IMMP2L: variants seen among roughly 807,000 people sequenced by gnomAD.
IMMP2L encodes the protein inner mitochondrial membrane peptidase subunit 2.
Under a neutral mutation model 19.3 loss-of-function variants are expected in IMMP2L, and 18 were observed. The observed-to-expected ratio is 0.93, with a 90% CI of 0.64 to 1.38. IMMP2L has a LOEUF of 1.38. IMMP2L is among the 40% of genes most tolerant of loss of function. The probability of loss-of-function intolerance (pLI) is 0.00; values close to 1 mark genes in which losing one functional copy is unlikely to be tolerated. For synonymous variants in IMMP2L, 76 were observed against 73.0 expected (o/e 1.04, Z -0.21); for missense variants, 233 against 218.2 (o/e 1.07, Z -0.43).
intron 5 of IMMP2L, among the ~76,000 whole-genome samples, chr7:110,671,370 ATT>A: frequency 6.6e-6 from 1 of 152,160 alleles, no homozygotes. Context: ...AGAAGTTCTA[ATT>A]TTTTTTCTTG....
chr7:110,892,911 T>C (rs938120238), intron 4 of IMMP2L, among the ~76,000 whole-genome samples: 1 of 152,142 alleles, frequency 6.6e-6, no homozygotes, highest in African/African-American at 2.4e-5. Context: ...TGTCTCTCTG[T>C]GAGAAATCTA....
At chr7:111,510,036 G>A (rs1285155706) in intron 2 of IMMP2L, among the ~76,000 whole-genome samples, 1 of 151,938 alleles carries the variant, frequency 6.6e-6, no homozygotes, top group Non-Finnish European at 1.5e-5. Flanking sequence ...CAGTACAAAA[G>A]GATTTATAAT....
intron 3 of IMMP2L, among the ~76,000 whole-genome samples, chr7:111,047,369 G>A (rs1251566158): frequency 6.6e-6 from 1 of 151,844 alleles, no homozygotes; most frequent in Non-Finnish European, 1.5e-5. Context: ...TGTATTTTTA[G>A]TACAGAAGGG....
chr7:111,499,614 A>C (rs1330754132), intron 2 of IMMP2L, among the ~76,000 whole-genome samples: 3 of 152,178 alleles, frequency 2.0e-5, no homozygotes, highest in Non-Finnish European at 4.4e-5. Context: ...TGGATTTTAA[A>C]AAGCAATGAA....
chr7:111,260,446 G>C (rs37735), intron 3 of IMMP2L, among the ~76,000 whole-genome samples: 85,777 of 151,992 alleles, frequency 0.56, 25,028 homozygotes, highest in South Asian at 0.71. Context: ...TGGGATTAAG[G>C]TACATTGTCC....
At chr7:110,922,958 T>G (rs1814456968) in intron 4 of IMMP2L, among the ~76,000 whole-genome samples, 1 of 152,182 alleles carries the variant, frequency 6.6e-6, no homozygotes, top group Non-Finnish European at 1.5e-5. Flanking sequence ...ACAATTAGAT[T>G]GGTTGTTTCA....
At chr7:111,018,707 T>C (rs1825951813) in intron 3 of IMMP2L, among the ~76,000 whole-genome samples, 2 of 151,842 alleles carry the variant, frequency 1.3e-5, no homozygotes, top group African/African-American at 4.8e-5. Flanking sequence ...ACCAAATAGG[T>C]AGTAAAAGGA....
At chr7:110,769,703 C>T (rs952668531) in intron 5 of IMMP2L, among the ~76,000 whole-genome samples, 8 of 150,942 alleles carry the variant, frequency 5.3e-5, no homozygotes, top group Non-Finnish European at 1.0e-4. Context: ...GGAAAGAAAA[C>T]GAACGGAAGA....
intron 1 of IMMP2L, among the ~76,000 whole-genome samples, chr7:111,556,747 T>C (rs1360288979): frequency 6.6e-6 from 1 of 152,158 alleles, no homozygotes; most frequent in Non-Finnish European, 1.5e-5. Flanking sequence ...TTTTCTCTTC[T>C]CTTTCTATAC....
intron 3 of IMMP2L, among the ~76,000 whole-genome samples, chr7:111,290,827 AACACAC>A (rs541375499): frequency 9.6e-5 from 13 of 135,076 alleles, no homozygotes; most frequent in South Asian, 5.0e-4. Context: ...TATATATACA[AACACAC>A]ACACACACAC....
intron 4 of IMMP2L, among the ~76,000 whole-genome samples, chr7:110,937,141 T>C (rs1816208372): frequency 6.6e-6 from 1 of 152,190 alleles, no homozygotes; most frequent in African/African-American, 2.4e-5. Flanking sequence ...CCATGGCACG[T>C]GTACATCTAT....
rs950058769 is a variant in IMMP2L, at chr7:111,321,349, A to C, written c.239+165889T>G. Among the ~76,000 whole-genome samples the C allele has an allele frequency of 1.2e-4, 19 of 152,012 alleles. 1 individual carries two copies. ...TCCTGCTTCCGTATATGATTTAATCATTGCACACTGATTAAATAAATGACA... is the reference window on the plus strand; with the variant it reads ...TCCTGCTTCCGTATATGATTTAATCCTTGCACACTGATTAAATAAATGACA... On this transcript the variant is annotated intron_variant, in intron 3 of 5. Coordinates refer to ENST00000405709, the MANE Select transcript of IMMP2L (RefSeq NM_032549.4).
At chr7:110,978,563 T>C (rs73433202) in intron 3 of IMMP2L, among the ~76,000 whole-genome samples, 6,625 of 152,010 alleles carry the variant, frequency 0.044, 497 homozygotes, top group African/African-American at 0.15. Flanking sequence ...TAAAGAAAAA[T>C]TGATGGTGAC....
At chr7:111,014,209 G>C (rs774905955) in intron 3 of IMMP2L, among the ~76,000 whole-genome samples, 2 of 151,968 alleles carry the variant, frequency 1.3e-5, no homozygotes, top group Non-Finnish European at 2.9e-5. Context: ...ACAAAAATTA[G>C]CCAGGCATTG....
At chr7:111,390,358 T>A (rs1400661439) in intron 3 of IMMP2L, among the ~76,000 whole-genome samples, 1 of 152,100 alleles carries the variant, frequency 6.6e-6, no homozygotes, top group African/African-American at 2.4e-5. Flanking sequence ...CCAGGGATGA[T>A]CCCTAAAATA....
At chr7:110,823,705 C>T (rs1392920317) in intron 5 of IMMP2L, among the ~76,000 whole-genome samples, 8 of 151,912 alleles carry the variant, frequency 5.3e-5, no homozygotes, top group Admixed American at 3.3e-4. Context: ...CTAGTAGCCC[C>T]AACATACTTT....
chr7:110,813,472 G>A (rs1166744522), intron 5 of IMMP2L, among the ~76,000 whole-genome samples: 1 of 150,764 alleles, frequency 6.6e-6, no homozygotes, highest in Non-Finnish European at 1.5e-5. Context: ...CTGTCAGCCA[G>A]GCTACAGTAC....
rs894501478 is a variant in IMMP2L, at chr7:111,201,755, T to C, written c.240-238190A>G. On this transcript the variant is annotated intron_variant, in intron 3 of 5. Transcript: ENST00000405709. ...GAAAAAAAAAGAGAGATGAGGTTTC[T>C]AAGAGCTGATTAGGTTGTGAGGGCT... Among the ~76,000 whole-genome samples the C allele has an allele frequency of 2.0e-5, 3 of 151,502 alleles. 1 individual carries two copies. In the Middle Eastern group the frequency reaches 0.01, roughly 526 times the overall value.
At chr7:111,111,942 G>GTTTTTTTTT (rs748410980) in intron 3 of IMMP2L, among the ~76,000 whole-genome samples, 20 of 84,128 alleles carry the variant, frequency 2.4e-4, no homozygotes, top group East Asian at 3.6e-4. Flanking sequence ...TATATAGTTT[G>GTTTTTTTTT]TTTTTTTTTT....
Sources: gnomAD v4.1 joint callset for allele counts (sites outside exome capture counted in the v4.1 genomes callset) on GRCh38, gnomAD v4.1.1 for gene constraint, MANE v1.5 for transcripts, NCBI Gene and HGNC (gene_info 2026-07-23, HGNC 2026-07-21) for gene names.